The following BACH2 variants were observed in gnomAD, a reference collection of about 807,000 sequenced individuals.
BACH2 encodes BACH transcriptional regulator 2.
Under a neutral mutation model 61.8 loss-of-function variants are expected in BACH2, and 5 were observed. The observed-to-expected ratio is 0.08, with a 90% confidence interval of 0.04 to 0.17. The LOEUF is 0.17. Ranked by LOEUF, BACH2 falls within the 10% of genes least tolerant of loss-of-function variation. The pLI, the probability that BACH2 is intolerant of heterozygous loss-of-function variation, is 1.00. For synonymous variants in BACH2, 446 were observed against 440.1 expected (o/e 1.01, Z -0.17); for missense variants, 824 against 1,091.1 (o/e 0.76, Z 3.45).
At chr6:90,065,270 C>CTTTTTTTTTTTTTTTTT (rs71027920) in intron 5 of BACH2, among the ~76,000 whole-genome samples, 909 of 52,660 alleles carry the variant, frequency 0.017, 119 homozygotes, top group Non-Finnish European at 0.024. Flanking sequence ...GCCGCCCCCA[C>CTTTTTTTTTTTTTTTTT]TTTTTTTTTT....
chr6:90,031,638 A>G (rs1320279877), intron 5 of BACH2, among the ~76,000 whole-genome samples: 3 of 152,344 alleles, frequency 2.0e-5, no homozygotes, highest in East Asian at 3.9e-4. Flanking sequence ...TTAGGAATCC[A>G]ACATACAAGG....
intron 4 of BACH2, among the ~76,000 whole-genome samples, chr6:90,169,939 T>C (rs1247103377): frequency 6.6e-6 from 1 of 152,236 alleles, no homozygotes; most frequent in Non-Finnish European, 1.5e-5. Flanking sequence ...AAAAAAACAT[T>C]TTCCAGTTTC....
intron 6 of BACH2, among the ~76,000 whole-genome samples, chr6:89,992,809 T>C (rs1223233791): frequency 6.6e-6 from 1 of 152,270 alleles, no homozygotes. Context: ...TGCACGAATC[T>C]ACTATTTTTT....
Position 90,057,590 on chromosome 6 carries a change from C to T in BACH2, c.-13+31371G>A, listed in dbSNP as rs372572780. Among the ~76,000 whole-genome samples the T allele has an allele frequency of 4.3e-4, 66 of 152,168 alleles. No individual in the cohort carries two copies. In the East Asian group the frequency reaches 4.8e-3, roughly 11 times the overall value. On this transcript the variant is annotated intron_variant, in intron 5 of 8. Coordinates refer to ENST00000257749, the MANE Select transcript of BACH2 (RefSeq NM_021813.4). The stretch of plus-strand genomic sequence containing the variant: ...TTCCTTCTGAAACTATTCCAATCAA[C>T]AGAAAAAGAGGGAATCCTCCCTAAC...
At chr6:90,189,803 T>C (rs187401639) in intron 4 of BACH2, among the ~76,000 whole-genome samples, 5 of 152,286 alleles carry the variant, frequency 3.3e-5, no homozygotes, top group Admixed American at 2.0e-4. Context: ...GTTAATCTGC[T>C]GAGCCATGAC....
At chr6:90,193,949 C>T (rs1768664060) in intron 4 of BACH2, among the ~76,000 whole-genome samples, 1 of 152,124 alleles carries the variant, frequency 6.6e-6, no homozygotes, top group African/African-American at 2.4e-5. Context: ...CTCTCAAATC[C>T]TCCATAGGGT....
chr6:90,034,996 AG>A (rs1419453747), intron 5 of BACH2, among the ~76,000 whole-genome samples: 1 of 152,200 alleles, frequency 6.6e-6, no homozygotes, highest in Admixed American at 6.5e-5. Flanking sequence ...GAAAAGTTAC[AG>A]GGATACAATC....
At chr6:90,206,362 T>C (rs1769145025) in intron 4 of BACH2, among the ~76,000 whole-genome samples, 1 of 152,062 alleles carries the variant, frequency 6.6e-6, no homozygotes, top group South Asian at 2.1e-4. Context: ...CCCTGGCAAG[T>C]ATAAATGACA....
At chr6:90,269,848 A>T (rs1582552512) in intron 2 of BACH2, among the ~76,000 whole-genome samples, 1 of 152,252 alleles carries the variant, frequency 6.6e-6, no homozygotes, top group South Asian at 2.1e-4. Context: ...AACTTTTAAA[A>T]TTTTAATTTA....
intron 5 of BACH2, among the ~76,000 whole-genome samples, chr6:90,042,586 G>C (rs1237952898): frequency 6.6e-6 from 1 of 152,088 alleles, no homozygotes; most frequent in Non-Finnish European, 1.5e-5. Flanking sequence ...ACATGAAGGG[G>C]TCTCTGTCTT....
intron 1 of BACH2, among the ~76,000 whole-genome samples, chr6:90,286,424 G>A (rs139489899): frequency 6.6e-6 from 1 of 152,148 alleles, no homozygotes; most frequent in African/African-American, 2.4e-5. Flanking sequence ...AGGAACACTG[G>A]TTGTCTGGAA....
At chr6:89,941,424 T>C (rs1388445252) in intron 7 of BACH2, among the ~76,000 whole-genome samples, 5 of 152,128 alleles carry the variant, frequency 3.3e-5, no homozygotes, top group Non-Finnish European at 5.9e-5. Context: ...CCTGTAAAAT[T>C]TTGGTCCAAG....
chr6:90,293,216 A>T (rs1480149501), intron 1 of BACH2, among the ~76,000 whole-genome samples: 2 of 152,184 alleles, frequency 1.3e-5, no homozygotes, highest in Non-Finnish European at 2.9e-5. Flanking sequence ...ACACAGGAAG[A>T]TATTTATTTA....
At chr6:89,985,361 G>C (rs916374383) in intron 6 of BACH2, among the ~76,000 whole-genome samples, 1 of 152,160 alleles carries the variant, frequency 6.6e-6, no homozygotes, top group African/African-American at 2.4e-5. Flanking sequence ...GGCCTCAGGG[G>C]GCCCTGGCGG....
chr6:90,156,140 G>A (rs1784988940), intron 4 of BACH2, among the ~76,000 whole-genome samples: 1 of 152,156 alleles, frequency 6.6e-6, no homozygotes, highest in African/African-American at 2.4e-5. Context: ...CTCCTGACCA[G>A]CCTTGCATAT....
At chr6:90,191,113 G>A (rs754534460) in intron 4 of BACH2, among the ~76,000 whole-genome samples, 6 of 152,204 alleles carry the variant, frequency 3.9e-5, no homozygotes, top group African/African-American at 1.4e-4. Flanking sequence ...GCCCATCCGT[G>A]ACTTAAGGCT....
intron 4 of BACH2, among the ~76,000 whole-genome samples, chr6:90,094,792 A>G (rs1294507602): frequency 1.3e-5 from 2 of 152,122 alleles, no homozygotes; most frequent in Non-Finnish European, 2.9e-5. Flanking sequence ...TCACCATGCC[A>G]CTTCTGGTTC....
chr6:90,260,250 C>T (rs534744642), intron 2 of BACH2, among the ~76,000 whole-genome samples: 3 of 152,058 alleles, frequency 2.0e-5, no homozygotes, highest in Non-Finnish European at 2.9e-5. Context: ...ATTGTGTTTC[C>T]GTTGTCATTT....
At chr6:89,962,332 T>C (rs1774791501) in intron 6 of BACH2, among the ~76,000 whole-genome samples, 1 of 152,224 alleles carries the variant, frequency 6.6e-6, no homozygotes, top group Non-Finnish European at 1.5e-5. Context: ...TTCTCCTTGA[T>C]GCACAATATA....
Sources: gnomAD v4.1 joint callset for allele counts (sites outside exome capture counted in the v4.1 genomes callset) on GRCh38, gnomAD v4.1.1 for gene constraint, MANE v1.5 for transcripts, NCBI Gene and HGNC (gene_info 2026-07-23, HGNC 2026-07-21) for gene names.